BBS9: variants seen among roughly 807,000 people sequenced by gnomAD.
The protein encoded by BBS9 is protein PTHB1.
BBS9 carries 89 observed loss-of-function variants against 117.7 expected under a neutral mutation model. The observed-to-expected ratio is 0.76, with a 90% CI of 0.64 to 0.90. The LOEUF (loss-of-function observed/expected upper bound fraction) is 0.90. BBS9 is among the 40% of genes least tolerant of loss of function. The pLI, the probability that BBS9 is intolerant of heterozygous loss-of-function variation, is 0.00. For missense variants in BBS9, 982 were observed against 1,042.2 expected, an observed-to-expected ratio of 0.94 and a Z score of 0.80; for synonymous variants, 379 against 370.9, an observed-to-expected ratio of 1.02 and a Z score of -0.25.
chr7:33,283,077 C>T (rs1472547815), intron 9 of BBS9, among the ~76,000 whole-genome samples: 2 of 152,060 alleles, frequency 1.3e-5, no homozygotes, highest in South Asian at 2.1e-4. Flanking sequence ...CAAAGCTTAC[C>T]ACTAGTTCTT....
At chr7:33,521,892 C>T (rs1283202925) in intron 20 of BBS9, among the ~76,000 whole-genome samples, 1 of 113,248 alleles carries the variant, frequency 8.8e-6, no homozygotes, top group African/African-American at 3.3e-5. Context: ...GCTATCCCTC[C>T]CCCCTCCCCC....
intron 6 of BBS9, among the ~76,000 whole-genome samples, chr7:33,263,174 CATA>C (rs1798252677): frequency 1.3e-5 from 2 of 152,114 alleles, no homozygotes; most frequent in African/African-American, 4.8e-5. Context: ...AAATTTAAAT[CATA>C]GTCATTCTGC....
intron 19 of BBS9, among the ~76,000 whole-genome samples, chr7:33,422,156 G>C (rs1352786369): frequency 6.6e-6 from 1 of 152,108 alleles, no homozygotes; most frequent in African/African-American, 2.4e-5. Context: ...GGTTATAGCT[G>C]CTATAGCTTT....
At chr7:33,389,204 A>T (rs1826572850) in intron 19 of BBS9, among the ~76,000 whole-genome samples, 1 of 150,658 alleles carries the variant, frequency 6.6e-6, no homozygotes, top group Admixed American at 6.6e-5. Context: ...CCGCCACCAC[A>T]TTCTAGACGC....
At chr7:33,190,118 AT>A (rs35553731) in intron 5 of BBS9, among the ~76,000 whole-genome samples, 32,339 of 117,146 alleles carry the variant, frequency 0.28, 2,343 homozygotes, top group East Asian at 0.42. Context: ...TTACATGGGG[AT>A]TTTTTTTTTT....
chr7:33,615,749 A>G (rs1865098812), intron 21 of BBS9, among the ~76,000 whole-genome samples: 1 of 152,102 alleles, frequency 6.6e-6, no homozygotes, highest in African/African-American at 2.4e-5. Flanking sequence ...AATACTAAAA[A>G]TCCACACATA....
intron 19 of BBS9, among the ~76,000 whole-genome samples, chr7:33,463,308 G>T (rs897989874): frequency 6.6e-6 from 1 of 152,084 alleles, no homozygotes; most frequent in Non-Finnish European, 1.5e-5. Context: ...CTGGCATTGT[G>T]TATGCAGAAG....
intron 1 of BBS9, among the ~76,000 whole-genome samples, chr7:33,139,967 A>C (rs987071274): frequency 9.2e-5 from 14 of 151,608 alleles, no homozygotes; most frequent in Admixed American, 5.9e-4. Flanking sequence ...GAGATAACTC[A>C]CTTCTGGCTT....
chr7:33,485,243 A>G (rs560092361), intron 19 of BBS9, among the ~76,000 whole-genome samples: 56 of 151,950 alleles, frequency 3.7e-4, no homozygotes, highest in African/African-American at 1.3e-3. Flanking sequence ...ACCATGGCAC[A>G]CATTTATTTA....
intron 21 of BBS9, among the ~76,000 whole-genome samples, chr7:33,539,624 C>T (rs13226155): frequency 0.052 from 7,947 of 152,272 alleles, 291 homozygotes; most frequent in East Asian, 0.19. Flanking sequence ...TATTCCGAGG[C>T]ATGATCTGTT....
intron 5 of BBS9, among the ~76,000 whole-genome samples, chr7:33,219,571 A>G (rs1033938871): frequency 3.9e-5 from 6 of 152,166 alleles, no homozygotes; most frequent in Non-Finnish European, 8.8e-5. Flanking sequence ...GGGTTTGTGA[A>G]TGCACCAATT....
intron 5 of BBS9, among the ~76,000 whole-genome samples, chr7:33,206,121 A>G (rs1562794738): frequency 1.3e-5 from 2 of 152,060 alleles, no homozygotes; most frequent in Admixed American, 6.5e-5. Flanking sequence ...CATTCATCAA[A>G]TATGTGTGAG....
chr7:33,549,932 A>C (rs2129088577), intron 21 of BBS9, among the ~76,000 whole-genome samples: 1 of 152,298 alleles, frequency 6.6e-6, no homozygotes, highest in South Asian at 2.1e-4. Context: ...TTTCTCACAT[A>C]TTCTACTGGC....
intron 21 of BBS9, among the ~76,000 whole-genome samples, chr7:33,591,526 A>G (rs1035585116): frequency 6.6e-6 from 1 of 151,976 alleles, no homozygotes; most frequent in African/African-American, 2.4e-5. Context: ...GGACTTGCCA[A>G]CACCCGTAAA....
intron 21 of BBS9, among the ~76,000 whole-genome samples, chr7:33,567,492 G>A (rs1857098738): frequency 6.6e-6 from 1 of 152,106 alleles, no homozygotes; most frequent in African/African-American, 2.4e-5. Context: ...TCCACTGATT[G>A]TCTCATCTCC....
intron 10 of BBS9, 80 bp from the exon 11 acceptor site, chr7:33,340,817 A>G: frequency 2.4e-6 from 3 of 1,245,370 alleles, no homozygotes; most frequent in Non-Finnish European, 3.4e-6. Flanking sequence ...TATATGTGGT[A>G]TAGACAAACC....
chr7:33,486,697 A>G (rs947568761), intron 19 of BBS9, among the ~76,000 whole-genome samples: 7 of 152,098 alleles, frequency 4.6e-5, no homozygotes, highest in African/African-American at 9.7e-5. Context: ...TCTTCTTGTT[A>G]GTGTTGTTGT....
chr7:33,242,723 C>T (rs529351719), intron 5 of BBS9, among the ~76,000 whole-genome samples: 54 of 152,168 alleles, frequency 3.5e-4, no homozygotes, highest in African/African-American at 1.2e-3. Flanking sequence ...CAAGTTTTGT[C>T]TGCTAAAGTG....
chr7:33,421,538 T>A (rs1479969386), intron 19 of BBS9, among the ~76,000 whole-genome samples: 1 of 152,208 alleles, frequency 6.6e-6, no homozygotes, highest in Admixed American at 6.5e-5. Flanking sequence ...GACCTAGGCA[T>A]ACTTTATTGA....
Sources: gnomAD v4.1 joint callset for allele counts (sites outside exome capture counted in the v4.1 genomes callset) on GRCh38, gnomAD v4.1.1 for gene constraint, MANE v1.5 for transcripts, NCBI Gene and HGNC (gene_info 2026-07-23, HGNC 2026-07-21) for gene names.